KDM4C: variants seen among roughly 807,000 people sequenced by gnomAD.
The protein encoded by KDM4C is lysine demethylase 4C.
In KDM4C, 81 loss-of-function variants were observed where a neutral mutation model predicts 129.3. The ratio of observed to expected loss-of-function variants is 0.63; its 90% CI spans 0.52 to 0.75. The LOEUF (loss-of-function observed/expected upper bound fraction) is 0.75. Ranked by LOEUF, KDM4C falls within the 30% of genes least tolerant of loss-of-function variation. KDM4C has a pLI of 0.00. For synonymous variants in KDM4C, 573 were observed against 456.1 expected (o/e 1.26, Z -3.26); for missense variants, 1,457 against 1,304.0 (o/e 1.12, Z -1.81).
intron 1 of KDM4C, among the ~76,000 whole-genome samples, chr9:6,740,952 G>T (rs1302272109): frequency 6.6e-6 from 1 of 151,278 alleles, no homozygotes; most frequent in African/African-American, 2.4e-5. Context: ...AGTCTCCTGA[G>T]TAGCTGGGAC....
chr9:6,827,018 T>C (rs1285194602), intron 4 of KDM4C, among the ~76,000 whole-genome samples: 1 of 152,104 alleles, frequency 6.6e-6, no homozygotes, highest in Non-Finnish European at 1.5e-5. Flanking sequence ...TGTTGGTCAG[T>C]GTGGGGCAGG....
At chr9:6,951,857 A>G (rs142831907) in intron 8 of KDM4C, among the ~76,000 whole-genome samples, 1,754 of 152,318 alleles carry the variant, frequency 0.012, 29 homozygotes, top group African/African-American at 0.038. Context: ...AACAATAGCA[A>G]TATTATTTAA....
intron 17 of KDM4C, among the ~76,000 whole-genome samples, chr9:7,083,000 C>G (rs1587526583): frequency 6.6e-6 from 1 of 152,164 alleles, no homozygotes; most frequent in African/African-American, 2.4e-5. Flanking sequence ...TCTCTATTAT[C>G]TATTTTTATG....
intron 1 of KDM4C, among the ~76,000 whole-genome samples, chr9:6,742,513 G>C (rs1817734276): frequency 6.7e-6 from 1 of 149,610 alleles, no homozygotes; most frequent in Non-Finnish European, 1.5e-5. Flanking sequence ...ATCAGTTATT[G>C]TCTTTTGCCA....
intron 21 of KDM4C, among the ~76,000 whole-genome samples, chr9:7,172,934 G>A (rs1376467376): frequency 1.3e-5 from 2 of 152,264 alleles, no homozygotes; most frequent in African/African-American, 2.4e-5. Flanking sequence ...AGGCAAGATA[G>A]TAGGGAATTG....
intron 19 of KDM4C, among the ~76,000 whole-genome samples, chr9:7,140,704 C>G (rs999800024): frequency 6.6e-6 from 1 of 152,164 alleles, no homozygotes; most frequent in Admixed American, 6.5e-5. Flanking sequence ...CTACTACATG[C>G]CACCCATCAT....
intron 11 of KDM4C, 96 bp from the exon 12 acceptor site, chr9:6,990,320 C>G: frequency 1.2e-6 from 1 of 812,140 alleles, no homozygotes; most frequent in Non-Finnish European, 2.0e-6. Flanking sequence ...ATTTCTTCAA[C>G]ATTAAGTGAT....
intron 1 of KDM4C, among the ~76,000 whole-genome samples, chr9:6,768,706 A>T (rs1473972518): frequency 6.6e-6 from 1 of 151,764 alleles, no homozygotes; most frequent in African/African-American, 2.4e-5. Flanking sequence ...AAGGATTTTC[A>T]TGATCTTGAT....
At chr9:7,070,801 A>G (rs1477376975) in intron 17 of KDM4C, among the ~76,000 whole-genome samples, 1 of 152,172 alleles carries the variant, frequency 6.6e-6, no homozygotes, top group Non-Finnish European at 1.5e-5. Context: ...GAACAAGGTA[A>G]TGAATTCAGT....
chr9:6,830,826 T>C (rs1027222597), intron 4 of KDM4C, among the ~76,000 whole-genome samples: 1 of 151,896 alleles, frequency 6.6e-6, no homozygotes, highest in African/African-American at 2.4e-5. Context: ...GTTATGAGAG[T>C]GTGTTAAATC....
In KDM4C at chr9:7,127,354, A is replaced by T. The variant is rs1255824051; in HGVS notation, c.2611-712A>T. ...GATCAGGATCAAAATTAACATTATC[A>T]TTGAGGGGTAAGCAAACATCATGTG... On this transcript the variant is annotated intron_variant, in intron 18 of 21. Transcript: ENST00000381309. Among the ~76,000 whole-genome samples, 5 of 152,196 alleles carry T rather than the reference A, an allele frequency of 3.3e-5. 1 individual carries two copies. The highest frequency in any genetic ancestry group is 1.3e-4 in the Admixed American group (2 of 15,280).
chr9:6,832,660 C>T (rs542685048), intron 4 of KDM4C, among the ~76,000 whole-genome samples: 249 of 150,486 alleles, frequency 1.7e-3, no homozygotes, highest in African/African-American at 3.9e-3. Flanking sequence ...CTCCTGACCA[C>T]GTAATCCACC....
chr9:7,055,805 C>A (rs1194109828), intron 17 of KDM4C, among the ~76,000 whole-genome samples: 1 of 152,130 alleles, frequency 6.6e-6, no homozygotes, highest in Non-Finnish European at 1.5e-5. Context: ...GCCTCTTGTG[C>A]TGTAAGATCA....
chr9:6,817,536 C>G (rs953183364), intron 4 of KDM4C, among the ~76,000 whole-genome samples: 2 of 151,722 alleles, frequency 1.3e-5, no homozygotes, highest in Admixed American at 6.6e-5. Flanking sequence ...AGCTAGTTGA[C>G]AGACTGGTGT....
intron 8 of KDM4C, among the ~76,000 whole-genome samples, chr9:6,950,488 G>T (rs1180174074): frequency 3.3e-5 from 5 of 152,140 alleles, no homozygotes; most frequent in Non-Finnish European, 7.3e-5. Context: ...AAGTATTTAT[G>T]TGAAAACCTG....
At chr9:6,833,705 A>G (rs1835329465) in intron 4 of KDM4C, among the ~76,000 whole-genome samples, 1 of 152,194 alleles carries the variant, frequency 6.6e-6, no homozygotes, top group African/African-American at 2.4e-5. Context: ...TATGTACTGA[A>G]TCAGTGTTAG....
At chr9:6,993,662 C>T (rs568069767) in intron 12 of KDM4C, among the ~76,000 whole-genome samples, 2 of 152,210 alleles carry the variant, frequency 1.3e-5, no homozygotes, top group African/African-American at 4.8e-5. Context: ...CACCCGTGCA[C>T]TTAGGGGAGA....
intron 18 of KDM4C, among the ~76,000 whole-genome samples, chr9:7,104,921 G>A (rs1407088686): frequency 1.3e-5 from 2 of 152,242 alleles, no homozygotes; most frequent in Admixed American, 6.5e-5. Context: ...GATATTTGAT[G>A]TTTGTGGGCT....
intron 4 of KDM4C, among the ~76,000 whole-genome samples, chr9:6,819,547 C>G (rs1211056129): frequency 6.6e-6 from 1 of 152,146 alleles, no homozygotes; most frequent in African/African-American, 2.4e-5. Flanking sequence ...CTGAGTTGGA[C>G]TGACATTTTC....
Sources: gnomAD v4.1 joint callset for allele counts (sites outside exome capture counted in the v4.1 genomes callset) on GRCh38, gnomAD v4.1.1 for gene constraint, MANE v1.5 for transcripts, NCBI Gene and HGNC (gene_info 2026-07-23, HGNC 2026-07-21) for gene names.